XIST: variants seen among roughly 807,000 people sequenced by gnomAD.
XIST encodes X inactive specific transcript (non-protein coding).
At chrX:73,825,565 AG>A in exon 6 of XIST, 1 of 515,236 alleles carries the variant, frequency 1.9e-6, no homozygotes, top group East Asian at 3.6e-5. Flanking sequence ...ATAATACATC[AG>A]GGGGTGGTAA....
chrX:73,842,984 G>A (rs376008181), exon 1 of XIST: 83 of 556,842 alleles, frequency 1.5e-4, no homozygotes, highest in Non-Finnish European at 2.4e-4. Flanking sequence ...TTTACACACT[G>A]GCGCAATGCA....
chrX:73,850,210 A>G (rs925564305), exon 1 of XIST: 1 of 550,256 alleles, frequency 1.8e-6, no homozygotes, highest in Non-Finnish European at 3.3e-6. Flanking sequence ...TAGTTAAGTC[A>G]ATTTCAAAGA....
At chrX:73,851,096 T>C in exon 1 of XIST, 1 of 559,335 alleles carries the variant, frequency 1.8e-6, no homozygotes, top group Non-Finnish European at 3.2e-6. Context: ...TCTGCTCTAA[T>C]TGGCTGTGAT....
chrX:73,845,687 G>C, exon 1 of XIST: 1 of 553,933 alleles, frequency 1.8e-6, no homozygotes, highest in South Asian at 2.2e-5. Context: ...GTGCAGTTAC[G>C]CACATTAATG....
chrX:73,843,871 A>G, exon 1 of XIST: 1 of 558,960 alleles, frequency 1.8e-6, no homozygotes, highest in Non-Finnish European at 3.2e-6. Flanking sequence ...CTGTTGTACT[A>G]CAAAGGAAAG....
chrX:73,829,618 C>A (rs1388389439), intron 4 of XIST, among the ~76,000 whole-genome samples: 2 of 109,652 alleles, frequency 1.8e-5, no homozygotes, highest in Non-Finnish European at 3.8e-5. Flanking sequence ...TGGAGAAACA[C>A]CGTCTCTATT....
chrX:73,844,430 A>G (rs565409884), exon 1 of XIST: 5 of 558,969 alleles, frequency 8.9e-6, no homozygotes, highest in African/African-American at 2.2e-5. Context: ...CAAGCCAAGC[A>G]AAGAGGCCTC....
exon 6 of XIST, chrX:73,824,966 T>A (rs1569511592): frequency 1.9e-6 from 1 of 523,622 alleles, no homozygotes; most frequent in Non-Finnish European, 3.4e-6. Context: ...AAGAGGCACT[T>A]AATATTCATT....
At chrX:73,825,413 T>TG (rs778199192) in exon 6 of XIST, 10 of 554,606 alleles carry the variant, frequency 1.8e-5, no homozygotes, top group Non-Finnish European at 6.5e-6. Flanking sequence ...AGAATACAAG[T>TG]GCTTTACAGT....
chrX:73,835,922 G>A (rs1922474676), intron 2 of XIST, among the ~76,000 whole-genome samples: 1 of 111,701 alleles, frequency 9.0e-6, no homozygotes, highest in Admixed American at 9.5e-5. Context: ...CTGTTAATCA[G>A]GGCACTTTTT....
exon 6 of XIST, chrX:73,823,478 ATC>A (rs746547934): frequency 3.8e-6 from 2 of 520,091 alleles, no homozygotes; most frequent in Non-Finnish European, 3.5e-6. Flanking sequence ...TAATGCCCTC[ATC>A]TCTCTTATCC....
chrX:73,828,428 G>C (rs1290202399), intron 5 of XIST: 1 of 121,893 alleles, frequency 8.2e-6, no homozygotes, highest in Non-Finnish European at 1.7e-5. Flanking sequence ...ACTTTAAGTT[G>C]TCAAAGGTCA....
chrX:73,843,052 C>T, exon 1 of XIST: 1 of 558,234 alleles, frequency 1.8e-6, no homozygotes, highest in Non-Finnish European at 3.2e-6. Context: ...TACTCCAATG[C>T]TTATACTTTA....
exon 1 of XIST, chrX:73,850,793 T>G (rs1922916455): frequency 2.0e-6 from 1 of 493,285 alleles, no homozygotes; most frequent in African/African-American, 2.6e-5. Context: ...TAGCCTTAGG[T>G]GAGGCACCAA....
intron 4 of XIST, among the ~76,000 whole-genome samples, chrX:73,829,851 A>C (rs1471782117): frequency 9.2e-6 from 1 of 108,739 alleles, no homozygotes; most frequent in East Asian, 2.9e-4. Flanking sequence ...GCTAGGAAAG[A>C]GTCCCTTTAA....
chrX:73,843,647 C>T (rs1358428028), exon 1 of XIST: 3 of 558,085 alleles, frequency 5.4e-6, no homozygotes, highest in South Asian at 2.2e-5. Flanking sequence ...GAATATCATC[C>T]CCCTGCTCTA....
chrX:73,823,643 T>A lies in XIST; in HGVS notation n.16258A>T, dbSNP rs760398322. The stretch of plus-strand genomic sequence containing the variant: ...CTTTTATCATCAGCACTTAAGAAAC[T>A]GGATGGAAGACCACAACACCTTGTT... On this transcript the variant is annotated non_coding_transcript_exon_variant, in exon 6 of 6. Transcript: ENST00000429829. 1 of 556,960 alleles carries A rather than the reference T, an allele frequency of 1.8e-6. No homozygotes were observed. Among genetic ancestry groups the A allele is most frequent in the African/African-American group, 2.2e-5 (1 of 44,712 alleles). 45.9% of individuals were successfully genotyped at this position (556,960 alleles called of 1,213,427 possible). A position where few individuals can be genotyped will look rare whatever the true frequency, so the allele number is the denominator to read the frequency against.
At chrX:73,821,484 C>T (rs1360279175) in exon 6 of XIST, 1 of 556,389 alleles carries the variant, frequency 1.8e-6, no homozygotes, top group East Asian at 3.3e-5. Flanking sequence ...AGCACTTGGA[C>T]AAAAATAATA....
chrX:73,822,014 T>G, exon 6 of XIST: 1 of 558,663 alleles, frequency 1.8e-6, no homozygotes, highest in Non-Finnish European at 3.2e-6. Context: ...GAGATCTATT[T>G]AGGCAGTGTA....
Sources: allele counts gnomAD v4.1 joint callset (sites outside exome capture counted in the v4.1 genomes callset), GRCh38; gene constraint gnomAD v4.1.1; transcripts MANE v1.5; gene names NCBI Gene and HGNC (gene_info 2026-07-23, HGNC 2026-07-21).